Variants in SEMA6A observed in about 807,000 individuals in gnomAD.
SEMA6A encodes semaphorin 6A.
A neutral mutation model predicts 96.8 loss-of-function variants in SEMA6A; 25 were observed. The ratio of observed to expected loss-of-function variants is 0.26; its 90% CI spans 0.19 to 0.36. The LOEUF (loss-of-function observed/expected upper bound fraction) is 0.36. SEMA6A is among the 10% of genes least tolerant of loss of function. The pLI is 1.00. For synonymous variants in SEMA6A, 612 were observed against 518.0 expected, an observed-to-expected ratio of 1.18 and a Z score of -2.46; for missense variants, 1,363 against 1,323.1, an observed-to-expected ratio of 1.03 and a Z score of -0.47.
At chr5:116,529,878 A>AC (rs1759385772) in intron 1 of SEMA6A, among the ~76,000 whole-genome samples, 1 of 152,060 alleles carries the variant, frequency 6.6e-6, no homozygotes, top group African/African-American at 2.4e-5. Flanking sequence ...TTGGAAGGTT[A>AC]CCTATTGGGT....
chr5:116,459,314 C>T (rs1755223293), intron 18 of SEMA6A, among the ~76,000 whole-genome samples: 1 of 152,114 alleles, frequency 6.6e-6, no homozygotes, highest in Non-Finnish European at 1.5e-5. Context: ...AATTAATAAC[C>T]TAATATGATT....
intron 1 of SEMA6A, among the ~76,000 whole-genome samples, chr5:116,570,298 TAG>T (rs1181260202): frequency 1.3e-5 from 2 of 152,016 alleles, no homozygotes; most frequent in Non-Finnish European, 2.9e-5. Context: ...CACGCTGAAA[TAG>T]AAATATCTCA....
intron 5 of SEMA6A, 52 bp from the exon 6 acceptor site, chr5:116,495,566 G>T: frequency 1.5e-6 from 2 of 1,290,784 alleles, no homozygotes; most frequent in South Asian, 1.3e-5. Flanking sequence ...TACAGAAACT[G>T]ATTCTTCACT....
intron 1 of SEMA6A, among the ~76,000 whole-genome samples, chr5:116,535,242 G>C (rs1759657531): frequency 6.6e-6 from 1 of 152,184 alleles, no homozygotes; most frequent in Non-Finnish European, 1.5e-5. Context: ...GGAGGCCAAA[G>C]TTAGACCAAC....
chr5:116,503,867 GA>G (rs1240284766), intron 2 of SEMA6A, among the ~76,000 whole-genome samples: 2 of 152,168 alleles, frequency 1.3e-5, no homozygotes, highest in Non-Finnish European at 2.9e-5. Context: ...ACCTCAAATG[GA>G]AATAAATAAA....
intron 18 of SEMA6A, among the ~76,000 whole-genome samples, chr5:116,461,238 T>A (rs992759216): frequency 6.6e-6 from 1 of 152,120 alleles, no homozygotes; most frequent in African/African-American, 2.4e-5. Flanking sequence ...TCACTATCTC[T>A]TCGCGTTCCT....
intron 2 of SEMA6A, 159 bp from the exon 3 acceptor site, chr5:116,502,486 A>G: frequency 1.6e-6 from 1 of 610,200 alleles, no homozygotes. Flanking sequence ...TTTAGGAAAT[A>G]TGATAGAAGA....
chr5:116,446,962 T>A lies in SEMA6A; in HGVS notation c.2744A>T (p.Asp915Val), dbSNP rs750048171. ...GTTCGTGGGGTAGCTCCTCTTATAG[T>A]CAACCCCGTAGGAAGAGGAGTGGTG... ...EMHHSSSYGV[D>V]YKRSYPTNSL... Residue 915 changes from aspartate (D) to valine (V), a missense_variant, in exon 19 of 19, where the codon GAC becomes GTC. Physicochemically the swap from Asp to Val is radical, Grantham distance 152. Transcript: ENST00000343348. The A allele has an allele frequency of 6.2e-7, 1 of 1,613,914 alleles. No homozygotes were observed. The highest frequency in any genetic ancestry group is 1.1e-5 in the South Asian group (1 of 91,086).
At chr5:116,554,288 A>C (rs948222917) in intron 1 of SEMA6A, among the ~76,000 whole-genome samples, 3 of 152,226 alleles carry the variant, frequency 2.0e-5, no homozygotes, top group Non-Finnish European at 4.4e-5. Flanking sequence ...TGCTTACTCA[A>C]AAAGTGTCTC....
chr5:116,537,750 AAG>A (rs142822305), intron 1 of SEMA6A, among the ~76,000 whole-genome samples: 6 of 152,202 alleles, frequency 3.9e-5, no homozygotes, highest in African/African-American at 1.2e-4. Flanking sequence ...TTTAGAAAAA[AAG>A]AGAGAAAAGA....
intron 1 of SEMA6A, among the ~76,000 whole-genome samples, chr5:116,510,003 CGT>C (rs1758333899): frequency 6.6e-6 from 1 of 152,060 alleles, no homozygotes; most frequent in South Asian, 2.1e-4. Context: ...GGATAATCAG[CGT>C]GTCAATGTGT....
At chr5:116,503,614 G>A (rs1037666540) in intron 2 of SEMA6A, among the ~76,000 whole-genome samples, 7 of 151,496 alleles carry the variant, frequency 4.6e-5, no homozygotes, top group Non-Finnish European at 7.4e-5. Flanking sequence ...CCAGTTCAAG[G>A]TATTCCGCTG....
chr5:116,558,448 CT>C lies in SEMA6A; in HGVS notation c.-39+15736del, dbSNP rs1008671132. Reference sequence around the variant, plus strand: ...AGAGAATACCCATCATTTAAGGATTCTTTTTTTTTTTTTTTTTTTTTTTTTG... The same window carrying C: ...AGAGAATACCCATCATTTAAGGATTCTTTTTTTTTTTTTTTTTTTTTTTTG... On this transcript the variant is annotated intron_variant, in intron 1 of 18. Transcript: ENST00000343348. 1.3e-3 allele frequency among the ~76,000 whole-genome samples: 44 copies of C among 34,736 alleles called. 1 individual carries two copies. The highest frequency in any genetic ancestry group is 2.6e-3 in the African/African-American group (32 of 12,546). The allele number at this position is 34,736 out of a possible 152,430, so 22.8% of individuals were successfully genotyped here.
intron 1 of SEMA6A, among the ~76,000 whole-genome samples, chr5:116,565,936 T>G (rs889010030): frequency 4.6e-5 from 7 of 152,160 alleles, no homozygotes; most frequent in African/African-American, 1.4e-4. Context: ...GGCGGGGAAG[T>G]GCTGAAGTCG....
At chr5:116,535,272 C>T (rs932554617) in intron 1 of SEMA6A, among the ~76,000 whole-genome samples, 3 of 152,114 alleles carry the variant, frequency 2.0e-5, no homozygotes, top group Admixed American at 1.3e-4. Flanking sequence ...CACTGACCTG[C>T]GGGAGAAACA....
At position 116,443,740 on chromosome 5, in the gene SEMA6A, A is replaced by C. The variant is rs1215218680; in HGVS notation, c.*2873T>G. The C allele has an allele frequency of 6.6e-6, 1 of 152,466 alleles. No individual in the cohort carries two copies. Among genetic ancestry groups the C allele is most frequent in the African/African-American group, 2.4e-5 (1 of 41,390 alleles). 9.4% of individuals were successfully genotyped at this position (152,466 alleles called of 1,614,324 possible). ...CATCACAATATTTTTACAACTTTAC[A>C]ACAAATATAAATCTGAGTTTGTTGC... On this transcript the variant is annotated 3_prime_UTR_variant, in exon 19 of 19. Coordinates refer to ENST00000343348, the MANE Select transcript of SEMA6A (RefSeq NM_020796.5).
intron 1 of SEMA6A, among the ~76,000 whole-genome samples, chr5:116,509,526 A>G (rs763709196): frequency 1.3e-5 from 2 of 152,240 alleles, no homozygotes; most frequent in Non-Finnish European, 2.9e-5. Context: ...GAAATGTAAT[A>G]GTCTATAAGA....
At chr5:116,538,925 CTTGT>C (rs149568762) in intron 1 of SEMA6A, among the ~76,000 whole-genome samples, 1,817 of 152,140 alleles carry the variant, frequency 0.012, 44 homozygotes, top group African/African-American at 0.041. Context: ...TTTGCCTTTG[CTTGT>C]TTGTTACAAA....
intron 3 of SEMA6A, among the ~76,000 whole-genome samples, chr5:116,500,698 C>G (rs1038134385): frequency 6.6e-6 from 1 of 151,986 alleles, no homozygotes; most frequent in African/African-American, 2.4e-5. Flanking sequence ...TTCCTTATGC[C>G]AGATAGAAAC....
Sources: allele counts gnomAD v4.1 joint callset (sites outside exome capture counted in the v4.1 genomes callset), GRCh38; gene constraint gnomAD v4.1.1; transcripts MANE v1.5; gene names NCBI Gene and HGNC (gene_info 2026-07-23, HGNC 2026-07-21).